MCPH1: variants seen among roughly 807,000 people sequenced by gnomAD.
The protein encoded by MCPH1 is microcephalin 1, also known as microcephalin.
In MCPH1, 104 loss-of-function variants were observed where a neutral mutation model predicts 84.5. That is an observed-to-expected ratio of 1.23 (90% CI 1.05 to 1.45). The LOEUF (loss-of-function observed/expected upper bound fraction) is 1.45, where lower values mean the gene tolerates loss of function less well. Among genes scored for constraint, MCPH1 ranks in the 40% most tolerant of loss-of-function variants. MCPH1 has a pLI of 0.00. For synonymous variants in MCPH1, 514 were observed against 366.8 expected (o/e 1.40, Z -4.58); for missense variants, 1,498 against 1,005.7 (o/e 1.49, Z -6.62).
At chr8:6,557,736 T>G (rs12545089) in intron 12 of MCPH1, among the ~76,000 whole-genome samples, 16,714 of 150,998 alleles carry the variant, frequency 0.11, 1,187 homozygotes, top group South Asian at 0.18. Flanking sequence ...CAGGGAGAGA[T>G]AGAATGGTTT....
chr8:6,558,711 G>A (rs559259726), intron 12 of MCPH1, among the ~76,000 whole-genome samples: 1 of 152,194 alleles, frequency 6.6e-6, no homozygotes, highest in South Asian at 2.1e-4. Context: ...AACTCTGCAA[G>A]CAAACAATCA....
intron 5 of MCPH1, among the ~76,000 whole-genome samples, chr8:6,437,242 AT>A (rs1177034250): frequency 1.3e-4 from 19 of 151,690 alleles, no homozygotes; most frequent in African/African-American, 2.4e-5. Flanking sequence ...TATTTTATTT[AT>A]TTTTTTGAGA....
At chr8:6,491,757 G>A (rs1241385380) in intron 11 of MCPH1, among the ~76,000 whole-genome samples, 1 of 151,970 alleles carries the variant, frequency 6.6e-6, no homozygotes, top group Non-Finnish European at 1.5e-5. Context: ...ATAGTTTGCT[G>A]AGAATGATGG....
At chr8:6,516,040 C>T (rs1322605874) in intron 12 of MCPH1, among the ~76,000 whole-genome samples, 1 of 152,190 alleles carries the variant, frequency 6.6e-6, no homozygotes, top group East Asian at 1.9e-4. Flanking sequence ...CAGCATGGTT[C>T]TGGTCTCTCT....
At chr8:6,438,472 A>C (rs1006804110) in intron 5 of MCPH1, among the ~76,000 whole-genome samples, 3 of 152,184 alleles carry the variant, frequency 2.0e-5, no homozygotes, top group African/African-American at 7.2e-5. Context: ...ACGAGCTCAT[A>C]ACTTCATGGT....
intron 13 of MCPH1, chr8:6,626,664 A>G (rs1832111964): frequency 2.0e-6 from 2 of 984,864 alleles, no homozygotes; most frequent in African/African-American, 1.7e-5. Context: ...CAACACTCCC[A>G]TGACATATAA....
At chr8:6,436,268 T>C in intron 5 of MCPH1, 106 bp downstream of exon 5, 1 of 1,225,174 alleles carries the variant, frequency 8.2e-7, no homozygotes, top group East Asian at 2.5e-5. Flanking sequence ...ATGAAGACTA[T>C]GATAGCTTTA....
At chr8:6,415,264 A>G (rs1799103387) in intron 3 of MCPH1, among the ~76,000 whole-genome samples, 1 of 149,978 alleles carries the variant, frequency 6.7e-6, no homozygotes. Flanking sequence ...CAGGAAGTCC[A>G]GTATCAAGTT....
In MCPH1 at chr8:6,600,698, G is replaced by T. The variant is rs539578234; in HGVS notation, c.2215-20756G>T. On this transcript the variant is annotated intron_variant, in intron 12 of 13. Transcript: ENST00000344683. ...TTGACTAAATAACACTGAACAAAAC[G>T]ATTCTACTATGAAACGAAAGGATTG... is the stretch of plus-strand genomic sequence containing the variant. 1.6e-4 allele frequency among the ~76,000 whole-genome samples: 24 copies of T among 152,322 alleles called. No individual in the cohort carries two copies. The South Asian group carries it at 4.3e-3, about 28-fold the overall frequency.
intron 12 of MCPH1, among the ~76,000 whole-genome samples, chr8:6,545,460 A>G (rs1381699601): frequency 6.6e-6 from 1 of 152,222 alleles, no homozygotes; most frequent in Non-Finnish European, 1.5e-5. Flanking sequence ...TTGTCTCTGC[A>G]GTTTTCATCT....
At chr8:6,513,358 A>G (rs1291940052) in intron 12 of MCPH1, among the ~76,000 whole-genome samples, 1 of 135,914 alleles carries the variant, frequency 7.4e-6, no homozygotes, top group Non-Finnish European at 1.5e-5. Context: ...TTTGAGACGG[A>G]GTCTTGCTCT....
At chr8:6,433,913 C>T (rs960651775) in intron 4 of MCPH1, among the ~76,000 whole-genome samples, 95 of 152,118 alleles carry the variant, frequency 6.2e-4, no homozygotes, top group African/African-American at 2.3e-3. Flanking sequence ...GCTTGCTGTT[C>T]CTCAAGCATG....
chr8:6,444,126 G>A (rs945754712), intron 7 of MCPH1, among the ~76,000 whole-genome samples: 4 of 152,124 alleles, frequency 2.6e-5, no homozygotes, highest in African/African-American at 9.7e-5. Flanking sequence ...CATGCATATG[G>A]AAATTTGCCT....
chr8:6,587,004 G>A (rs1156879085), intron 12 of MCPH1, among the ~76,000 whole-genome samples: 1 of 151,882 alleles, frequency 6.6e-6, no homozygotes, highest in East Asian at 1.9e-4. Flanking sequence ...AGTTTCCTCG[G>A]CTTACCACCC....
At chr8:6,601,584 T>TACAA (rs1563173833) in intron 12 of MCPH1, among the ~76,000 whole-genome samples, 2 of 131,368 alleles carry the variant, frequency 1.5e-5, no homozygotes, top group Admixed American at 7.6e-5. Context: ...ACATCATACA[T>TACAA]GCCCACCAGA....
intron 12 of MCPH1, chr8:6,618,557 G>C (rs1226752192): frequency 6.6e-6 from 1 of 152,194 alleles, no homozygotes; most frequent in Non-Finnish European, 1.5e-5. Context: ...TGTGTTGTGT[G>C]TGCATTTTAC....
At chr8:6,534,187 C>G (rs559071906) in intron 12 of MCPH1, among the ~76,000 whole-genome samples, 2 of 151,916 alleles carry the variant, frequency 1.3e-5, no homozygotes, top group East Asian at 1.9e-4. Context: ...CGGGTTCAAC[C>G]ACACCATCAA....
rs907320696 is a variant in MCPH1, at chr8:6,510,513, G to A, written c.2214+10584G>A. Among the ~76,000 whole-genome samples the A allele has an allele frequency of 1.8e-4, 27 of 152,348 alleles. 1 individual carries two copies. Among genetic ancestry groups the A allele is most frequent in the African/African-American group, 6.5e-4 (27 of 41,582 alleles). On this transcript the variant is annotated intron_variant, in intron 12 of 13. Transcript: ENST00000344683. ...AGAAAATGTTCTTTTAGTTTTACCTGCTGGTCGGGCCAGGCCAGGTGCTTA... is the reference window on the plus strand; with the variant it reads ...AGAAAATGTTCTTTTAGTTTTACCTACTGGTCGGGCCAGGCCAGGTGCTTA...
intron 13 of MCPH1, chr8:6,626,736 G>C (rs370306750): frequency 3.7e-5 from 36 of 985,182 alleles, no homozygotes; most frequent in East Asian, 3.4e-4. Context: ...GCTGGGGTGA[G>C]GATCACAAGC....
Sources: gnomAD v4.1 joint callset for allele counts (sites outside exome capture counted in the v4.1 genomes callset) on GRCh38, gnomAD v4.1.1 for gene constraint, MANE v1.5 for transcripts, NCBI Gene and HGNC (gene_info 2026-07-23, HGNC 2026-07-21) for gene names.